PI4KA: variants seen among roughly 807,000 people sequenced by gnomAD.
The protein encoded by PI4KA is phosphatidylinositol 4-kinase alpha, also known as PI4-kinase alpha.
In PI4KA, 122 loss-of-function variants were observed where a neutral mutation model predicts 271.4. The ratio of observed to expected loss-of-function variants is 0.45; its 90% CI spans 0.39 to 0.52. The LOEUF (loss-of-function observed/expected upper bound fraction) is 0.52. Among genes scored for constraint, PI4KA ranks in the 20% least tolerant of loss-of-function variants. PI4KA has a pLI of 0.00. For synonymous variants in PI4KA, 1,041 were observed against 1,078.8 expected (o/e 0.96, Z 0.69); for missense variants, 1,969 against 2,769.1 (o/e 0.71, Z 6.48).
At chr22:20,851,120 G>A (rs537159745) in intron 1 of PI4KA, among the ~76,000 whole-genome samples, 3 of 152,174 alleles carry the variant, frequency 2.0e-5, no homozygotes, top group East Asian at 1.9e-4. Flanking sequence ...AGCACTTTGC[G>A]AGGCCGAAGT....
Position 20,858,556 on chromosome 22 carries a change from C to A in PI4KA, c.156+14G>T. On this transcript the variant is annotated intron_variant, in intron 1 of 54. Transcript: ENST00000255882. Reference sequence around the variant, plus strand: ...CTCCTCCTGTCAGCCCGCGGCCCAGCCCGCCGACGTTACCTTCTCCAAGGA... The same window carrying A: ...CTCCTCCTGTCAGCCCGCGGCCCAGACCGCCGACGTTACCTTCTCCAAGGA... 2 of 1,369,120 alleles carry A rather than the reference C, an allele frequency of 1.5e-6. No homozygotes were observed. Among genetic ancestry groups the A allele is most frequent in the South Asian group, 1.7e-5 (1 of 60,148 alleles). The allele number at this position is 1,369,120 out of a possible 1,614,324, so 84.8% of individuals were successfully genotyped here.
At chr22:20,833,965 A>C (rs1180743757) in intron 3 of PI4KA, among the ~76,000 whole-genome samples, 1 of 151,680 alleles carries the variant, frequency 6.6e-6, no homozygotes, top group Admixed American at 6.6e-5. Flanking sequence ...GCCGACCCAG[A>C]CTAGTCTTAA....
intron 19 of PI4KA, among the ~76,000 whole-genome samples, chr22:20,766,790 C>A (rs1022490150): frequency 3.9e-5 from 6 of 152,098 alleles, no homozygotes; most frequent in Admixed American, 6.5e-5. Context: ...GGCTTTGCTA[C>A]CCCCAAACAC....
chr22:20,823,564 A>G (rs1357122547), intron 4 of PI4KA, among the ~76,000 whole-genome samples: 1 of 152,246 alleles, frequency 6.6e-6, no homozygotes, highest in African/African-American at 2.4e-5. Flanking sequence ...TATGAAATAC[A>G]TGTTTGTAAC....
At chr22:20,744,533 G>T in intron 30 of PI4KA, 95 bp downstream of exon 30, 1 of 799,126 alleles carries the variant, frequency 1.3e-6, no homozygotes, top group Non-Finnish European at 2.1e-6. Flanking sequence ...CACATCACCG[G>T]GACGCTTTGT....
At chr22:20,753,202 G>C (rs1930902158) in intron 23 of PI4KA, 22 bp from the exon 24 acceptor site, 2 of 1,604,844 alleles carry the variant, frequency 1.2e-6, no homozygotes, top group Non-Finnish European at 1.7e-6. Flanking sequence ...AGGTTTCCAT[G>C]GATAAGGTGC....
rs1237760333 is a variant in PI4KA, at chr22:20,858,778, C to T, written c.-53G>A. 2 of 1,366,232 alleles carry T rather than the reference C, an allele frequency of 1.5e-6. No individual in the cohort carries two copies. The highest frequency in any genetic ancestry group is 9.5e-7 in the Non-Finnish European group (1 of 1,055,870). The allele number at this position is 1,366,232 out of a possible 1,614,324, so 84.6% of individuals were successfully genotyped here. A position where few individuals can be genotyped will look rare whatever the true frequency, so the allele number is the denominator to read the frequency against. On this transcript the variant is annotated 5_prime_UTR_variant, in exon 1 of 55. Coordinates refer to ENST00000255882, the MANE Select transcript of PI4KA (RefSeq NM_058004.4). ...CGGCTCCCCGCTCCTGGCCCGCGAGCGCCCGACCTCAGGGCGCAGGCGTAG... is the reference window on the plus strand; with the variant it reads ...CGGCTCCCCGCTCCTGGCCCGCGAGTGCCCGACCTCAGGGCGCAGGCGTAG...
At chr22:20,730,762 G>C (rs1927942918) in intron 36 of PI4KA, among the ~76,000 whole-genome samples, 1 of 151,754 alleles carries the variant, frequency 6.6e-6, no homozygotes, top group Non-Finnish European at 1.5e-5. Flanking sequence ...TAGAGATGGG[G>C]TTTCACCATA....
intron 7 of PI4KA, among the ~76,000 whole-genome samples, chr22:20,816,556 G>A (rs899364366): frequency 6.6e-6 from 1 of 152,156 alleles, no homozygotes; most frequent in Admixed American, 6.6e-5. Flanking sequence ...CCAGCTACTT[G>A]AAAGGGCAAG....
chr22:20,751,661 TG>T lies in PI4KA; in HGVS notation c.3069+12del, dbSNP rs1930708283. The T allele has an allele frequency of 6.2e-7, 1 of 1,610,888 alleles. No individual in the cohort carries two copies. The highest frequency in any genetic ancestry group is 8.5e-7 in the Non-Finnish European group (1 of 1,177,062). ...GGTGGTGTTTGGGCCCTAGGTCTCC[TG>T]GGGACACTCACAGCGCTCAGTGACA... On this transcript the variant is annotated intron_variant, in intron 26 of 54. Coordinates refer to ENST00000255882, the MANE Select transcript of PI4KA (RefSeq NM_058004.4).
At chr22:20,751,220 G>A in intron 27 of PI4KA, 73 bp downstream of exon 27, 1 of 1,236,760 alleles carries the variant, frequency 8.1e-7, no homozygotes, top group East Asian at 2.4e-5. Flanking sequence ...CATGCAGGTT[G>A]ACCATCTCGT....
At chr22:20,717,316 G>T (rs527593042) in intron 45 of PI4KA, among the ~76,000 whole-genome samples, 4 of 152,228 alleles carry the variant, frequency 2.6e-5, no homozygotes, top group Admixed American at 6.5e-5. Context: ...GAGGCGGTGG[G>T]GGGGTGGTGC....
intron 23 of PI4KA, among the ~76,000 whole-genome samples, chr22:20,756,868 G>T (rs950336775): frequency 6.6e-6 from 1 of 152,100 alleles, no homozygotes; most frequent in Non-Finnish European, 1.5e-5. Context: ...GACCTCAAGT[G>T]ATCTGCCCAC....
At chr22:20,738,518 A>G (rs1328117586) in intron 32 of PI4KA, among the ~76,000 whole-genome samples, 1 of 152,232 alleles carries the variant, frequency 6.6e-6, no homozygotes, top group Non-Finnish European at 1.5e-5. Context: ...AGATGCGAAC[A>G]GCAAGTGTGA....
At position 20,802,035 on chromosome 22, in the gene PI4KA, A is replaced by G; in HGVS notation, c.1662T>C (p.Gly554=). ...HSESTLNVMS[G]KKSQPSMYEQ... is the part of the protein sequence containing the mutation. ...CGTACATGGAGGGCTGGCTCTTCTT[A>G]CCCGACATGACGTTCAGGGTTGACT... The change falls in exon 14 of 55, where the codon GGT becomes GGC. Residue 554 remains glycine (G), a synonymous_variant. Coordinates refer to ENST00000255882, the MANE Select transcript of PI4KA (RefSeq NM_058004.4). 1 of 1,613,988 alleles carries G rather than the reference A, an allele frequency of 6.2e-7. No homozygotes were observed. The highest frequency in any genetic ancestry group is 8.5e-7 in the Non-Finnish European group (1 of 1,179,942).
rs547133742 is a variant in PI4KA, at chr22:20,810,356, A to G, written c.1071+611T>C. 5.9e-5 allele frequency among the ~76,000 whole-genome samples: 9 copies of G among 152,104 alleles called. No homozygotes were observed. In the East Asian group the frequency reaches 1.5e-3, roughly 26 times the overall value. On this transcript the variant is annotated intron_variant, in intron 9 of 54. Transcript: ENST00000255882. ...CCAGTCTCTACTAAAAAATACAAAA[A>G]AAGTTAGCTGGGTGTGGTGGAGGGT...
At chr22:20,834,403 T>C (rs748900184) in intron 3 of PI4KA, among the ~76,000 whole-genome samples, 159 bp downstream of exon 3, 6 of 152,202 alleles carry the variant, frequency 3.9e-5, no homozygotes, top group Non-Finnish European at 7.3e-5. Context: ...GGCCAACACA[T>C]GGATGTAAGC....
chr22:20,817,475 G>A (rs1483470848), intron 7 of PI4KA, among the ~76,000 whole-genome samples: 1 of 151,818 alleles, frequency 6.6e-6, no homozygotes, highest in African/African-American at 2.4e-5. Context: ...GTGGTTCACG[G>A]CTGTAATCCT....
intron 9 of PI4KA, among the ~76,000 whole-genome samples, chr22:20,809,010 A>G (rs1375944215): frequency 6.6e-6 from 1 of 152,172 alleles, no homozygotes; most frequent in East Asian, 1.9e-4. Context: ...GAGTCATGCC[A>G]ATTCCCAGGA....
Sources: gnomAD v4.1 joint callset for allele counts (sites outside exome capture counted in the v4.1 genomes callset) on GRCh38, gnomAD v4.1.1 for gene constraint, MANE v1.5 for transcripts, NCBI Gene and HGNC (gene_info 2026-07-23, HGNC 2026-07-21) for gene names.